Variants in CANX observed in about 807,000 individuals in gnomAD.
The protein encoded by CANX is epididymis secretory sperm binding protein.
In CANX, 14 loss-of-function variants were observed where a neutral mutation model predicts 75.7. The ratio of observed to expected loss-of-function variants is 0.19; its 90% CI spans 0.12 to 0.29. CANX has a LOEUF of 0.29. Ranked by LOEUF, CANX falls within the 10% of genes least tolerant of loss-of-function variation. The pLI is 1.00. For missense variants in CANX, 567 were observed against 713.2 expected, an observed-to-expected ratio of 0.79 and a Z score of 2.34; for synonymous variants, 227 against 236.9, an observed-to-expected ratio of 0.96 and a Z score of 0.38.
At chr5:179,702,247 C>G (rs1202159856) in intron 1 of CANX, among the ~76,000 whole-genome samples, 2 of 151,528 alleles carry the variant, frequency 1.3e-5, no homozygotes, top group African/African-American at 2.4e-5. Flanking sequence ...AGATACTTCG[C>G]TTTGTTGCCC....
rs1396783480 is a variant in CANX, at chr5:179,679,505, G to C, written c.-4+728G>C. 2.0e-5 allele frequency among the ~76,000 whole-genome samples: 3 copies of C among 152,164 alleles called. No homozygotes were observed. The East Asian group carries it at 5.8e-4, about 29-fold the overall frequency. On this transcript the variant is annotated intron_variant, in intron 1 of 14. Transcript: ENST00000681674. Reference sequence around the variant, plus strand: ...ATATGCAGATGAAGGACGGGAGGAGGGCCTTGTTCTGAGTTGCAGCTGGAA... The same window carrying C: ...ATATGCAGATGAAGGACGGGAGGAGCGCCTTGTTCTGAGTTGCAGCTGGAA...
Position 179,731,069 on chromosome 5 carries a change from T to G in CANX, c.*2425T>G, listed in dbSNP as rs1017496079. 1.3e-5 allele frequency: 2 copies of G among 152,222 alleles called. No homozygotes were observed. Among genetic ancestry groups the G allele is most frequent in the African/African-American group, 4.8e-5 (2 of 41,462 alleles). 9.4% of individuals were successfully genotyped at this position (152,222 alleles called of 1,614,324 possible). A position where few individuals can be genotyped will look rare whatever the true frequency, so the allele number is the denominator to read the frequency against. ...TATTATGGACAGTGAAATAATGACT[T>G]TTATCTCACCACGTGAGTTTGATGC... On this transcript the variant is annotated 3_prime_UTR_variant, in exon 15 of 15. Transcript: ENST00000247461.
intron 1 of CANX, among the ~76,000 whole-genome samples, chr5:179,686,600 C>T (rs1311374319): frequency 6.6e-6 from 1 of 152,020 alleles, no homozygotes; most frequent in Non-Finnish European, 1.5e-5. Flanking sequence ...GTAGCTGGGA[C>T]TGCAGGGAGG....
At chr5:179,721,024 C>T (rs181497763) in intron 10 of CANX, among the ~76,000 whole-genome samples, 70 of 144,972 alleles carry the variant, frequency 4.8e-4, no homozygotes, top group Non-Finnish European at 5.7e-4. Context: ...CCTCGCGATC[C>T]GCCCACCTCA....
At chr5:179,690,191 T>C (rs1776275135) in intron 1 of CANX, among the ~76,000 whole-genome samples, 1 of 152,190 alleles carries the variant, frequency 6.6e-6, no homozygotes, top group Non-Finnish European at 1.5e-5. Context: ...TTTTTCCCCA[T>C]GGAAATTTCA....
upstream of CANX, chr5:179,694,290 C>A: frequency 5.9e-6 from 3 of 511,674 alleles, no homozygotes; most frequent in South Asian, 3.1e-5. Flanking sequence ...AAAGAAAAAC[C>A]CTGTCAATTT....
rs186072913 is a variant in CANX at position 179,730,093 on chromosome 5, T to C, written c.*1449T>C. ...ACACCACTATAGTGTAATAATGTTA[T>C]TATTACTCTACACTGAAACGTATTC... is the stretch of plus-strand genomic sequence containing the variant. On this transcript the variant is annotated 3_prime_UTR_variant, in exon 15 of 15. Transcript: ENST00000247461. 95 of 152,718 alleles carry C rather than the reference T, an allele frequency of 6.2e-4. No homozygotes were observed. Among genetic ancestry groups the C allele is most frequent in the African/African-American group, 2.2e-3 (92 of 41,560 alleles). The allele number at this position is 152,718 out of a possible 1,614,324, so 9.5% of individuals were successfully genotyped here.
intron 13 of CANX, among the ~76,000 whole-genome samples, chr5:179,725,952 C>T (rs1400455623): frequency 6.7e-6 from 1 of 148,364 alleles, no homozygotes; most frequent in South Asian, 2.1e-4. Flanking sequence ...TGCGCCACTG[C>T]ACTCCAGCCT....
At chr5:179,726,659 G>C in intron 13 of CANX, 21 bp from the exon 14 acceptor site, 1 of 1,556,568 alleles carries the variant, frequency 6.4e-7, no homozygotes, top group South Asian at 1.1e-5. Flanking sequence ...GTTTTGCTCA[G>C]TTGTTTAACT....
chr5:179,722,594 T>C (rs1352295460), intron 10 of CANX, among the ~76,000 whole-genome samples: 2 of 152,130 alleles, frequency 1.3e-5, no homozygotes, highest in African/African-American at 4.8e-5. Context: ...ACAGTAGAAA[T>C]TGGAAGTAGT....
At position 179,708,886 on chromosome 5, in the gene CANX, C is replaced by T. The variant is rs903927156; in HGVS notation, c.447-92C>T. On this transcript the variant is annotated intron_variant, in intron 5 of 14. Transcript: ENST00000247461. Reference sequence around the variant, plus strand: ...GGTAAACATTTGACCTATGATAAAACGTGACTAAGATGAGGGAGAGAGGAA... The same window carrying T: ...GGTAAACATTTGACCTATGATAAAATGTGACTAAGATGAGGGAGAGAGGAA... 7.3e-6 allele frequency: 5 copies of T among 681,260 alleles called. No individual in the cohort carries two copies. The Admixed American group carries it at 8.7e-5, about 12-fold the overall frequency. 42.2% of individuals were successfully genotyped at this position (681,260 alleles called of 1,614,324 possible). A position where few individuals can be genotyped will look rare whatever the true frequency, so the allele number is the denominator to read the frequency against.
At chr5:179,726,115 C>A (rs185010370) in intron 13 of CANX, among the ~76,000 whole-genome samples, 22 of 151,226 alleles carry the variant, frequency 1.5e-4, no homozygotes, top group African/African-American at 5.1e-4. Context: ...ATGGTGAAAC[C>A]CCGTTTCACT....
chr5:179,709,836 T>C, intron 6 of CANX, 37 bp from the exon 7 acceptor site: 1 of 1,400,808 alleles, frequency 7.1e-7, no homozygotes. Flanking sequence ...ACACTTTGAG[T>C]ACAGTGACTT....
intron 7 of CANX, among the ~76,000 whole-genome samples, chr5:179,715,275 T>C (rs1243566135): frequency 6.6e-6 from 1 of 152,176 alleles, no homozygotes; most frequent in Non-Finnish European, 1.5e-5. Context: ...CTCACACCTG[T>C]AGTCTTAACA....
At chr5:179,680,889 T>G (rs1581810456) in intron 1 of CANX, 1 of 1,536,900 alleles carries the variant, frequency 6.5e-7, no homozygotes, top group Non-Finnish European at 8.7e-7. Flanking sequence ...CAAGATCTGG[T>G]TCAGGGAGAT....
intron 10 of CANX, 128 bp downstream of exon 10, chr5:179,720,688 C>T (rs1471840764): frequency 3.8e-6 from 3 of 788,378 alleles, no homozygotes; most frequent in Non-Finnish European, 6.3e-6. Context: ...AGAAAGTAGA[C>T]TTCCTAAGTT....
chr5:179,707,613 A>C (rs1581854363), intron 4 of CANX, among the ~76,000 whole-genome samples: 1 of 143,412 alleles, frequency 7.0e-6, no homozygotes, highest in Non-Finnish European at 1.5e-5. Context: ...AGATTTTTCC[A>C]TGGAAGTTTT....
chr5:179,717,485 C>T (rs962682989), intron 8 of CANX, among the ~76,000 whole-genome samples: 4 of 152,118 alleles, frequency 2.6e-5, no homozygotes, highest in Admixed American at 2.6e-4. Context: ...TTTCTCTGTC[C>T]AGTTTCTTTC....
intron 14 of CANX, among the ~76,000 whole-genome samples, chr5:179,727,534 A>G (rs2113292367): frequency 6.6e-6 from 1 of 152,306 alleles, no homozygotes; most frequent in South Asian, 2.1e-4. Context: ...CAGTATGGTG[A>G]GTGGACAGAG....
Sources: gnomAD v4.1 joint callset for allele counts (sites outside exome capture counted in the v4.1 genomes callset) on GRCh38, gnomAD v4.1.1 for gene constraint, MANE v1.5 for transcripts, NCBI Gene and HGNC (gene_info 2026-07-23, HGNC 2026-07-21) for gene names.